NAV2: variants seen among roughly 807,000 people sequenced by gnomAD.
NAV2 encodes the protein helicase, APC down-regulated 1.
Under a neutral mutation model 223.2 loss-of-function variants are expected in NAV2, and 54 were observed. That is an observed-to-expected ratio of 0.24 (90% CI 0.19 to 0.30). NAV2 has a LOEUF of 0.30. Among genes scored for constraint, NAV2 ranks in the 10% least tolerant of loss-of-function variants. NAV2 has a pLI of 1.00. For missense variants in NAV2, 2,806 were observed against 3,147.5 expected, an observed-to-expected ratio of 0.89 and a Z score of 2.60; for synonymous variants, 1,279 against 1,239.3, an observed-to-expected ratio of 1.03 and a Z score of -0.67.
intron 1 of NAV2, among the ~76,000 whole-genome samples, chr11:19,542,185 G>A (rs1274126963): frequency 6.6e-6 from 1 of 152,200 alleles, no homozygotes; most frequent in Non-Finnish European, 1.5e-5. Context: ...AGACCTGACT[G>A]CTGTTGTCCA....
chr11:19,708,002 C>A (rs1299603025), upstream of NAV2, among the ~76,000 whole-genome samples: 1 of 152,210 alleles, frequency 6.6e-6, no homozygotes, highest in Non-Finnish European at 1.5e-5. Flanking sequence ...AACACACATA[C>A]ACACATACAT....
At chr11:19,831,250 T>TGGGGGGGGGGGGGGGGGGG (rs543941517) in intron 1 of NAV2, among the ~76,000 whole-genome samples, 1 of 5,012 alleles carries the variant, frequency 2.0e-4, no homozygotes, top group Non-Finnish European at 4.1e-4. Flanking sequence ...CGATGGGGAG[T>TGGGGGGGGGGGGGGGGGGG]GGGGGGGGAT....
chr11:19,404,133 G>A (rs551226682), intron 1 of NAV2, among the ~76,000 whole-genome samples: 35 of 152,322 alleles, frequency 2.3e-4, no homozygotes, highest in African/African-American at 8.4e-4. Context: ...GCGAGACAGA[G>A]AGGTTGGGAG....
At chr11:19,600,092 G>A (rs1332959191) in intron 1 of NAV2, among the ~76,000 whole-genome samples, 1 of 152,164 alleles carries the variant, frequency 6.6e-6, no homozygotes, top group Non-Finnish European at 1.5e-5. Flanking sequence ...GCTAATGGGT[G>A]GGTTACTATA....
chr11:20,117,579 C>G (rs1207438898), intron 37 of NAV2, among the ~76,000 whole-genome samples: 1 of 152,124 alleles, frequency 6.6e-6, no homozygotes, highest in African/African-American at 2.4e-5. Context: ...AAGGCTTCCA[C>G]AGGAGCTGCA....
intron 11 of NAV2, among the ~76,000 whole-genome samples, chr11:20,008,517 A>G (rs1001973696): frequency 6.6e-5 from 10 of 152,224 alleles, no homozygotes; most frequent in African/African-American, 9.6e-5. Context: ...GGGACACAGC[A>G]AACAAGCATG....
intron 1 of NAV2, among the ~76,000 whole-genome samples, chr11:19,371,127 C>T (rs548810616): frequency 7.2e-5 from 11 of 152,260 alleles, no homozygotes; most frequent in Non-Finnish European, 1.6e-4. Flanking sequence ...AGTGAAACAG[C>T]CAAAATAACC....
chr11:19,963,555 G>A (rs2048517241), intron 10 of NAV2, among the ~76,000 whole-genome samples: 1 of 152,208 alleles, frequency 6.6e-6, no homozygotes, highest in African/African-American at 2.4e-5. Context: ...CCATTTGGAA[G>A]GGTAAGGTAC....
chr11:19,632,325 T>C (rs2047369099), intron 1 of NAV2, among the ~76,000 whole-genome samples: 1 of 152,232 alleles, frequency 6.6e-6, no homozygotes, highest in Non-Finnish European at 1.5e-5. Flanking sequence ...ATCAAGACCT[T>C]GAATAATTCA....
intron 3 of NAV2, among the ~76,000 whole-genome samples, chr11:19,856,548 GC>G (rs1250980641): frequency 1.3e-5 from 2 of 152,054 alleles, no homozygotes; most frequent in African/African-American, 4.8e-5. Flanking sequence ...CCTACAACTA[GC>G]TTTTGAAATA....
At chr11:19,556,894 T>C (rs2044913151) in intron 1 of NAV2, among the ~76,000 whole-genome samples, 2 of 152,198 alleles carry the variant, frequency 1.3e-5, no homozygotes, top group Admixed American at 6.5e-5. Flanking sequence ...ACGTCATTTT[T>C]CCTATCCAAG....
chr11:19,424,777 C>A (rs1850758768), intron 1 of NAV2, among the ~76,000 whole-genome samples: 1 of 152,132 alleles, frequency 6.6e-6, no homozygotes. Context: ...TTTCTAACTC[C>A]TGACCTCAAG....
intron 1 of NAV2, among the ~76,000 whole-genome samples, chr11:19,458,345 G>A (rs530558916): frequency 6.6e-6 from 1 of 152,256 alleles, no homozygotes; most frequent in Admixed American, 6.5e-5. Context: ...TGTAGAGGAA[G>A]CATTAGGTGG....
intron 1 of NAV2, among the ~76,000 whole-genome samples, chr11:19,641,859 C>A (rs1276674548): frequency 6.6e-6 from 1 of 152,042 alleles, no homozygotes; most frequent in Non-Finnish European, 1.5e-5. Flanking sequence ...TCCTTTCTGG[C>A]ACTTATAACA....
intron 2 of NAV2, among the ~76,000 whole-genome samples, chr11:19,842,338 T>G (rs2152943766): frequency 6.6e-6 from 1 of 152,318 alleles, no homozygotes; most frequent in South Asian, 2.1e-4. Context: ...AGTCACATAG[T>G]GAGAAAGTGA....
chr11:19,390,816 G>T (rs775288208), intron 1 of NAV2, among the ~76,000 whole-genome samples: 3 of 152,174 alleles, frequency 2.0e-5, no homozygotes, highest in Non-Finnish European at 4.4e-5. Flanking sequence ...GTACCAGGAG[G>T]CCCTGAGATG....
At chr11:19,398,195 C>A (rs999900676) in intron 1 of NAV2, among the ~76,000 whole-genome samples, 1 of 151,986 alleles carries the variant, frequency 6.6e-6, no homozygotes, top group Non-Finnish European at 1.5e-5. Flanking sequence ...AAAATCATGG[C>A]GGAAGGCAAA....
chr11:19,957,063 T>C (rs1156802805), intron 10 of NAV2, among the ~76,000 whole-genome samples: 1 of 152,164 alleles, frequency 6.6e-6, no homozygotes, highest in Admixed American at 6.5e-5. Flanking sequence ...AGAGACCAAA[T>C]ATGCATTTCT....
At chr11:19,803,631 A>G (rs966832116) in intron 1 of NAV2, among the ~76,000 whole-genome samples, 1 of 152,270 alleles carries the variant, frequency 6.6e-6, no homozygotes, top group Non-Finnish European at 1.5e-5. Flanking sequence ...ATAGAGCAGA[A>G]TGCCCTGGGG....
Sources: allele counts gnomAD v4.1 joint callset (sites outside exome capture counted in the v4.1 genomes callset), GRCh38; gene constraint gnomAD v4.1.1; transcripts MANE v1.5; gene names NCBI Gene and HGNC (gene_info 2026-07-23, HGNC 2026-07-21).